Variants in NUF2 observed in about 807,000 individuals in gnomAD.
NUF2 encodes the protein NUF2 component of NDC80 kinetochore complex.
A neutral mutation model predicts 61.8 loss-of-function variants in NUF2; 34 were observed. The observed-to-expected ratio is 0.55, with a 90% CI of 0.42 to 0.73. The LOEUF is 0.73. Ranked by LOEUF, NUF2 falls within the 30% of genes least tolerant of loss-of-function variation. NUF2 has a pLI of 0.00. For missense variants in NUF2, 445 were observed against 539.1 expected, an observed-to-expected ratio of 0.83 and a Z score of 1.73; for synonymous variants, 172 against 181.6, an observed-to-expected ratio of 0.95 and a Z score of 0.42.
At chr1:163,354,172 A>G (rs1030908367) in intron 13 of NUF2, among the ~76,000 whole-genome samples, 2 of 152,200 alleles carry the variant, frequency 1.3e-5, no homozygotes, top group Non-Finnish European at 2.9e-5. Context: ...TTTAAGAAAT[A>G]AAGCCTTCAA....
intron 13 of NUF2, among the ~76,000 whole-genome samples, chr1:163,352,783 G>C (rs984703969): frequency 6.6e-6 from 1 of 152,000 alleles, no homozygotes; most frequent in East Asian, 1.9e-4. Context: ...GGAGAATGTC[G>C]TGAACCCGGG....
intron 5 of NUF2, among the ~76,000 whole-genome samples, chr1:163,335,789 T>C (rs900132181): frequency 2.6e-5 from 4 of 152,176 alleles, no homozygotes; most frequent in Admixed American, 1.3e-4. Flanking sequence ...ATTCATTTTT[T>C]TCTCTCTGGA....
rs761823616 is a variant in NUF2, at chr1:163,340,433, ATCTTT to A, written c.669+15_669+19del. 9 of 1,603,910 alleles carry A rather than the reference ATCTTT, an allele frequency of 5.6e-6. No individual in the cohort carries two copies. In the African/African-American group the frequency reaches 8.0e-5, roughly 14 times the overall value. On this transcript the variant is annotated splice_region_variant and intron_variant, in intron 9 of 13. Transcript: ENST00000271452. ...AGAGAAAACCAAGCGTTTGGTAAAC[ATCTTT>A]TCTTTTCACTAGCATTTAAAGTTTG...
At chr1:163,343,691 C>T (rs767498125) in intron 9 of NUF2, 42 bp from the exon 10 acceptor site, 12 of 979,320 alleles carry the variant, frequency 1.2e-5, no homozygotes, top group Admixed American at 3.2e-5. Context: ...GGTAAATCAC[C>T]AAGTTTATTA....
intron 11 of NUF2, among the ~76,000 whole-genome samples, chr1:163,347,538 A>G (rs1405375386): frequency 6.6e-6 from 1 of 152,222 alleles, no homozygotes; most frequent in South Asian, 2.1e-4. Context: ...CTGTACTGAT[A>G]GAAAACACCT....
chr1:163,326,093 T>A lies in NUF2; in HGVS notation c.42T>A (p.Ile14=), dbSNP rs201923428. 1.3e-5 allele frequency: 21 copies of A among 1,612,896 alleles called. No individual in the cohort carries two copies. In the East Asian group the frequency reaches 4.7e-4, roughly 36 times the overall value. ...TCCCCAGATATAATGTAGCTGAGAT[T>A]GTGATTCATATTCGCAATAAGATCT... The part of the protein sequence containing the change: ...LSFPRYNVAE[I]VIHIRNKILT... Residue 14 remains isoleucine, a synonymous_variant, in exon 2 of 14, where the codon ATT becomes ATA. Transcript: ENST00000271452.
intron 5 of NUF2, among the ~76,000 whole-genome samples, chr1:163,333,417 A>G (rs1650661842): frequency 6.6e-6 from 1 of 152,024 alleles, no homozygotes; most frequent in Non-Finnish European, 1.5e-5. Flanking sequence ...GTTATTATTG[A>G]TATGATTGGG....
At position 163,332,938 on chromosome 1, in the gene NUF2, G is replaced by A. The variant is rs746413700; in HGVS notation, c.338-3813G>A. On this transcript the variant is annotated intron_variant, in intron 5 of 13. Transcript: ENST00000271452. ...CTACCCTTGTAAAAGTTCCATGAGT[G>A]CTGTTGTTGATGAGTGGAGTGTTTT... Among the ~76,000 whole-genome samples, 8 of 152,158 alleles carry A rather than the reference G, an allele frequency of 5.3e-5. No individual in the cohort carries two copies. The East Asian group carries it at 7.7e-4, about 15-fold the overall frequency.
rs1651465143 is a variant in NUF2, at chr1:163,355,684, C to T, written c.*215C>T. 1 of 316,934 alleles carries T rather than the reference C, an allele frequency of 3.2e-6. No individual in the cohort carries two copies. The highest frequency in any genetic ancestry group is 5.8e-6 in the Non-Finnish European group (1 of 171,888). 19.6% of individuals were successfully genotyped at this position (316,934 alleles called of 1,614,324 possible). ...ACTTGTGCAGCTATTCATGTCTCTA[C>T]TCTGCCCCTTGTTGTAAATAGTTTG... is the stretch of plus-strand genomic sequence containing the variant. On this transcript the variant is annotated 3_prime_UTR_variant, in exon 14 of 14. Coordinates refer to ENST00000271452, the MANE Select transcript of NUF2 (RefSeq NM_145697.3).
At chr1:163,329,716 G>A (rs945760647) in intron 5 of NUF2, among the ~76,000 whole-genome samples, 19 of 152,108 alleles carry the variant, frequency 1.2e-4, no homozygotes, top group African/African-American at 4.1e-4. Context: ...CATGCTCCTT[G>A]GTATTTAGCC....
chr1:163,326,300 A>G, intron 2 of NUF2, 126 bp downstream of exon 2: 1 of 775,330 alleles, frequency 1.3e-6, no homozygotes, highest in Non-Finnish European at 2.0e-6. Flanking sequence ...TTTCATTGAG[A>G]GAGAATCTCT....
At chr1:163,349,986 C>G (rs1177875483) in intron 13 of NUF2, among the ~76,000 whole-genome samples, 1 of 151,504 alleles carries the variant, frequency 6.6e-6, no homozygotes, top group Admixed American at 6.6e-5. Context: ...GTCAGTCTCT[C>G]TAGTATGGCA....
chr1:163,335,987 C>T (rs959679539), intron 5 of NUF2, among the ~76,000 whole-genome samples: 1 of 152,104 alleles, frequency 6.6e-6, no homozygotes, highest in Non-Finnish European at 1.5e-5. Flanking sequence ...TTTTCTCTAT[C>T]CCCTTTATTT....
In NUF2 at chr1:163,349,042, C is replaced by T. The variant is rs372459343; in HGVS notation, c.1222C>T (p.Leu408=). 16 of 1,611,524 alleles carry T rather than the reference C, an allele frequency of 9.9e-6. No homozygotes were observed. The highest frequency in any genetic ancestry group is 1.4e-5 in the Non-Finnish European group (16 of 1,179,346). ...IQKIKLGIQQ[L]KDAAEREKLK... is the part of the protein sequence containing the mutation. ...AAAAATTAAACTTGGAATTCAACAA[C>T]TAAAAGATGCTGCTGAAAGGGAGAA... Residue 408 remains leucine (L), a synonymous_variant, in exon 13 of 14, where the codon CTA becomes TTA. Transcript: ENST00000271452.
At chr1:163,325,237 G>T (rs1286013343) in intron 1 of NUF2, among the ~76,000 whole-genome samples, 1 of 151,992 alleles carries the variant, frequency 6.6e-6, no homozygotes, top group Non-Finnish European at 1.5e-5. Context: ...TTTGCTGTTG[G>T]GGGCCACCCT....
chr1:163,355,379 C>A lies in NUF2; in HGVS notation c.1305C>A (p.Asp435Glu). The A allele has an allele frequency of 6.2e-7, 1 of 1,606,176 alleles. No homozygotes were observed. The highest frequency in any genetic ancestry group is 8.5e-7 in the Non-Finnish European group (1 of 1,175,336). Residue 435 changes from aspartate (D) to glutamate (E), a missense_variant, in exon 14 of 14, where the codon GAC (aspartate) becomes GAA (glutamate). Physicochemically the swap from Asp to Glu is conservative, Grantham distance 45. Transcript: ENST00000271452. ...NLKTALEKYH[D>E]GIEKAAEDSY... ...AAACTGCTTTGGAGAAATACCACGA[C>A]GGTATTGAAAAGGCAGCAGAGGACT...
chr1:163,330,952 G>A (rs1197393043), intron 5 of NUF2, among the ~76,000 whole-genome samples: 1 of 146,790 alleles, frequency 6.8e-6, no homozygotes, highest in Non-Finnish European at 1.5e-5. Context: ...AGATTCCTTA[G>A]GATTTTCCTT....
intron 1 of NUF2, among the ~76,000 whole-genome samples, chr1:163,323,844 CA>C (rs971733775): frequency 6.6e-6 from 1 of 151,800 alleles, no homozygotes; most frequent in Non-Finnish European, 1.5e-5. Flanking sequence ...AACAAGAACA[CA>C]AGTGACACAG....
chr1:163,325,388 G>T (rs536746571), intron 1 of NUF2, among the ~76,000 whole-genome samples: 6 of 152,150 alleles, frequency 3.9e-5, no homozygotes, highest in African/African-American at 1.4e-4. Flanking sequence ...GAACTACTAC[G>T]CTAGGGGGAC....
Sources: allele counts gnomAD v4.1 joint callset (sites outside exome capture counted in the v4.1 genomes callset), GRCh38; gene constraint gnomAD v4.1.1; transcripts MANE v1.5; gene names NCBI Gene and HGNC (gene_info 2026-07-23, HGNC 2026-07-21).